The following ARHGAP36 variants were observed in gnomAD, a reference collection of about 807,000 sequenced individuals.
ARHGAP36 encodes rho GTPase-activating protein 36.
In ARHGAP36, 7 loss-of-function variants were observed where a neutral mutation model predicts 32.9. The ratio of observed to expected loss-of-function variants is 0.21; its 90% CI spans 0.12 to 0.40. The LOEUF is 0.40. ARHGAP36 is among the 10% of genes least tolerant of loss of function. The pLI, the probability that ARHGAP36 is intolerant of heterozygous loss-of-function variation, is 1.00. For synonymous variants in ARHGAP36, 165 were observed against 168.3 expected, an observed-to-expected ratio of 0.98 and a Z score of 0.15; for missense variants, 383 against 442.2, an observed-to-expected ratio of 0.87 and a Z score of 1.20.
intron 1 of ARHGAP36, among the ~76,000 whole-genome samples, chrX:131,064,792 A>C (rs1002668609): frequency 9.0e-6 from 1 of 111,206 alleles, no homozygotes; most frequent in Non-Finnish European, 1.9e-5. Context: ...CTTTACTCTC[A>C]TGGGGAAACC....
In ARHGAP36 at chrX:131,081,521, TAGCA is replaced by T; in HGVS notation, c.-142-1_-140del. The T allele has an allele frequency of 9.5e-7, 1 of 1,055,875 alleles. No individual in the cohort carries two copies. The highest frequency in any genetic ancestry group is 1.2e-6 in the Non-Finnish European group (1 of 824,602). The allele number at this position is 1,055,875 out of a possible 1,213,427, so 87.0% of individuals were successfully genotyped here. Reference sequence around the variant, plus strand: ...GAAGTTGGATTTTTTTTTTCTTTTTTAGCAAAAACAACCAGAGGCTGCTCTGCTT... The same window carrying T: ...GAAGTTGGATTTTTTTTTTCTTTTTTAAAACAACCAGAGGCTGCTCTGCTT... On this transcript the variant is annotated splice_acceptor_variant and 5_prime_UTR_variant, in exon 2 of 12. Coordinates refer to ENST00000276211, the MANE Select transcript of ARHGAP36 (RefSeq NM_144967.4). LOFTEE classifies it low-confidence loss of function (5UTR_SPLICE).
At chrX:131,075,386 A>G (rs1172162148) in intron 1 of ARHGAP36, among the ~76,000 whole-genome samples, 2 of 110,633 alleles carry the variant, frequency 1.8e-5, no homozygotes, top group Non-Finnish European at 3.8e-5. Flanking sequence ...GTTCCAGTCT[A>G]TATCACAGGA....
intron 1 of ARHGAP36, among the ~76,000 whole-genome samples, chrX:131,075,690 G>A (rs1230558251): frequency 3.8e-5 from 4 of 106,019 alleles, no homozygotes; most frequent in Non-Finnish European, 7.7e-5. Context: ...CATTTCCCAC[G>A]GAATGGCACA....
At position 131,089,027 on chromosome X, in the gene ARHGAP36, T is replaced by C. The variant is rs2079852517; in HGVS notation, c.*242T>C. On this transcript the variant is annotated 3_prime_UTR_variant, in exon 12 of 12. Transcript: ENST00000276211. ...GTGTCATGCCCAAGCTCCCCGGTGC[T>C]ACCTTGCCTTTCTCTTTTACCCCTG... The C allele has an allele frequency of 2.9e-6, 1 of 345,913 alleles. No individual in the cohort carries two copies. 28.5% of individuals were successfully genotyped at this position (345,913 alleles called of 1,213,427 possible).
intron 1 of ARHGAP36, among the ~76,000 whole-genome samples, chrX:131,071,109 C>A (rs1356550695): frequency 9.1e-6 from 1 of 110,347 alleles, no homozygotes; most frequent in Admixed American, 9.7e-5. Context: ...GGAAGGGGAG[C>A]AGAGCTTCCA....
chrX:131,088,217 T>C (rs1353275350), intron 11 of ARHGAP36, among the ~76,000 whole-genome samples: 1 of 112,967 alleles, frequency 8.9e-6, no homozygotes, highest in Non-Finnish European at 1.9e-5. Flanking sequence ...CAACACCTGC[T>C]TTCTGTCTTC....
chrX:131,073,997 TG>T (rs2079746768), intron 1 of ARHGAP36, among the ~76,000 whole-genome samples: 1 of 111,122 alleles, frequency 9.0e-6, no homozygotes, highest in Non-Finnish European at 1.9e-5. Context: ...GACAGGATTT[TG>T]AAAAAGAAAA....
intron 1 of ARHGAP36, among the ~76,000 whole-genome samples, chrX:131,060,497 A>G (rs1208082977): frequency 8.9e-6 from 1 of 112,451 alleles, no homozygotes; most frequent in Non-Finnish European, 1.9e-5. Context: ...TGCACCACTC[A>G]CAAATCCCAT....
chrX:131,088,463 G>C (rs1053250021), intron 11 of ARHGAP36, among the ~76,000 whole-genome samples, 165 bp from the exon 12 acceptor site: 4 of 112,189 alleles, frequency 3.6e-5, no homozygotes, highest in African/African-American at 1.3e-4. Flanking sequence ...GTGTTCTGCT[G>C]TCAGGCTGTA....
chrX:131,065,936 T>C (rs954730748), intron 1 of ARHGAP36, among the ~76,000 whole-genome samples: 6 of 112,193 alleles, frequency 5.3e-5, no homozygotes, highest in Non-Finnish European at 1.1e-4. Context: ...ATCCACCCCC[T>C]GACCTCTTTG....
chrX:131,086,547 C>T lies in ARHGAP36; in HGVS notation c.1380-12C>T. On this transcript the variant is annotated splice_polypyrimidine_tract_variant and intron_variant, in intron 10 of 11. Transcript: ENST00000276211. ...TACACAAACTGACTTTTTCAAAATCCTTCCCATTCAGGAGTGCACGCATAA... is the reference window on the plus strand; with the variant it reads ...TACACAAACTGACTTTTTCAAAATCTTTCCCATTCAGGAGTGCACGCATAA... 1.7e-6 allele frequency: 2 copies of T among 1,209,266 alleles called. No individual in the cohort carries two copies. The highest frequency in any genetic ancestry group is 2.2e-6 in the Non-Finnish European group (2 of 893,536).
Position 131,085,667 on chromosome X carries a change from G to A in ARHGAP36, c.1035G>A (p.Glu345=), listed in dbSNP as rs1390888309. 1.7e-6 allele frequency: 2 copies of A among 1,211,659 alleles called. No homozygotes were observed. Among genetic ancestry groups the A allele is most frequent in the South Asian group, 3.5e-5 (2 of 56,983 alleles). Residue 345 remains glutamate (E), a synonymous_variant, in exon 8 of 12, where the codon GAG becomes GAA. Transcript: ENST00000276211. The part of the protein sequence containing the change: ...LMPPCHSDTL[E]RLLKALHKIT... The stretch of plus-strand genomic sequence containing the variant: ...CACCCTGCCACAGTGATACCCTGGA[G>A]CGTCTGCTGAAGGCCCTGCATAAAA...
chrX:131,073,644 C>T (rs1398305503), intron 1 of ARHGAP36, among the ~76,000 whole-genome samples: 1 of 112,542 alleles, frequency 8.9e-6, no homozygotes, highest in Non-Finnish European at 1.9e-5. Context: ...AGAGTTGTGT[C>T]TCTACAGTGC....
At chrX:131,061,209 T>C (rs921225273) in intron 1 of ARHGAP36, among the ~76,000 whole-genome samples, 4 of 111,765 alleles carry the variant, frequency 3.6e-5, no homozygotes, top group Non-Finnish European at 7.5e-5. Context: ...ATTTTTTTTT[T>C]TGTTCAACTC....
At chrX:131,070,158 C>T (rs1013739294) in intron 1 of ARHGAP36, among the ~76,000 whole-genome samples, 4 of 112,398 alleles carry the variant, frequency 3.6e-5, no homozygotes, top group Non-Finnish European at 7.5e-5. Flanking sequence ...TATTCCATTC[C>T]TCCTCAAAGC....
chrX:131,058,469 G>A (rs1399913992), intron 1 of ARHGAP36, 25 bp downstream of exon 1: 1 of 1,019,034 alleles, frequency 9.8e-7, no homozygotes, highest in Non-Finnish European at 1.3e-6. Context: ...CCGAGTCGGG[G>A]GGCTGGGGTG....
intron 1 of ARHGAP36, among the ~76,000 whole-genome samples, chrX:131,064,999 C>T (rs1169458531): frequency 9.3e-6 from 1 of 107,808 alleles, no homozygotes; most frequent in Non-Finnish European, 1.9e-5. Flanking sequence ...GAGAGAGAGA[C>T]TTATGACAGC....
chrX:131,067,284 G>A (rs1003770011), intron 1 of ARHGAP36, among the ~76,000 whole-genome samples: 1 of 112,857 alleles, frequency 8.9e-6, no homozygotes, highest in African/African-American at 3.2e-5. Context: ...CACCAGCTGG[G>A]ATCTCCTGGG....
At chrX:131,070,754 A>C (rs150746970) in intron 1 of ARHGAP36, among the ~76,000 whole-genome samples, 18 of 109,450 alleles carry the variant, frequency 1.6e-4, no homozygotes, top group Non-Finnish European at 2.7e-4. Context: ...TTCTCTCTAT[A>C]TCATGCGGTC....
Sources: allele counts gnomAD v4.1 joint callset (sites outside exome capture counted in the v4.1 genomes callset), GRCh38; gene constraint gnomAD v4.1.1; transcripts MANE v1.5; gene names NCBI Gene and HGNC (gene_info 2026-07-23, HGNC 2026-07-21).